PDZRN3: variants seen among roughly 807,000 people sequenced by gnomAD.
The protein encoded by PDZRN3 is E3 ubiquitin-protein ligase PDZRN3.
A neutral mutation model predicts 85.7 loss-of-function variants in PDZRN3; 38 were observed. The ratio of observed to expected loss-of-function variants is 0.44; its 90% CI spans 0.34 to 0.58. The LOEUF (loss-of-function observed/expected upper bound fraction) is 0.58. Ranked by LOEUF, PDZRN3 falls within the 20% of genes least tolerant of loss-of-function variation. The probability of loss-of-function intolerance (pLI) is 0.01; values close to 1 mark genes in which losing one functional copy is unlikely to be tolerated. For synonymous variants in PDZRN3, 759 were observed against 638.0 expected, an observed-to-expected ratio of 1.19 and a Z score of -2.86; for missense variants, 1,629 against 1,506.4, an observed-to-expected ratio of 1.08 and a Z score of -1.35.
intron 3 of PDZRN3, 174 bp from the exon 4 acceptor site, chr3:73,404,569 A>G (rs1575626877): frequency 1.6e-6 from 1 of 630,416 alleles, no homozygotes; most frequent in East Asian, 2.8e-5. Context: ...TGGTGGAAAG[A>G]GAGTGAGTTT....
chr3:73,475,661 A>C (rs899678072), intron 3 of PDZRN3, among the ~76,000 whole-genome samples: 2 of 152,232 alleles, frequency 1.3e-5, no homozygotes, highest in Non-Finnish European at 2.9e-5. Flanking sequence ...TGGGTGATTG[A>C]ATATAAATTC....
chr3:73,453,874 A>T (rs1051708585), intron 3 of PDZRN3, among the ~76,000 whole-genome samples: 4 of 152,146 alleles, frequency 2.6e-5, no homozygotes, highest in African/African-American at 9.7e-5. Flanking sequence ...AGTGCCTCTT[A>T]TCCTTGTCCA....
chr3:73,526,228 G>A (rs1390627435), intron 3 of PDZRN3, among the ~76,000 whole-genome samples: 6 of 152,138 alleles, frequency 3.9e-5, no homozygotes, highest in Non-Finnish European at 5.9e-5. Flanking sequence ...TGTAAAATGA[G>A]CACTATTATT....
chr3:73,398,907 A>G (rs149354643), intron 5 of PDZRN3, among the ~76,000 whole-genome samples: 1 of 152,300 alleles, frequency 6.6e-6, no homozygotes, highest in African/African-American at 2.4e-5. Context: ...CGTAGTTTAA[A>G]TAAGTTGAGT....
intron 3 of PDZRN3, among the ~76,000 whole-genome samples, chr3:73,427,653 A>C (rs1175048829): frequency 2.0e-5 from 3 of 152,196 alleles, no homozygotes; most frequent in African/African-American, 4.8e-5. Flanking sequence ...ATCTGTGGAA[A>C]CCATTAGAGA....
chr3:73,471,261 C>T (rs1257782441), intron 3 of PDZRN3, among the ~76,000 whole-genome samples: 2 of 151,986 alleles, frequency 1.3e-5, no homozygotes, highest in South Asian at 2.1e-4. Context: ...CAAAGCTTGC[C>T]GGCAAACCAT....
intron 3 of PDZRN3, among the ~76,000 whole-genome samples, chr3:73,468,534 G>A (rs957710661): frequency 3.9e-5 from 6 of 151,916 alleles, no homozygotes; most frequent in African/African-American, 1.5e-4. Context: ...GATGGCATGA[G>A]AATGCTTAAT....
In PDZRN3 at chr3:73,590,232, G is replaced by C. The variant is rs902008521; in HGVS notation, c.918+12122C>G. ...TATGGTGAGCTGAGATCGCACCACT[G>C]CACTCCAGCCTGGGTGACAAAGCAA... is the stretch of plus-strand genomic sequence containing the variant. On this transcript the variant is annotated intron_variant, in intron 3 of 9. Transcript: ENST00000263666. Among the ~76,000 whole-genome samples the C allele has an allele frequency of 3.9e-5, 5 of 127,322 alleles. No homozygotes were observed. In the East Asian group the frequency reaches 7.3e-4, roughly 18 times the overall value. The allele number at this position is 127,322 out of a possible 152,430, so 83.5% of individuals were successfully genotyped here.
intron 3 of PDZRN3, among the ~76,000 whole-genome samples, chr3:73,447,503 A>AC (rs1287890886): frequency 1.3e-5 from 2 of 151,670 alleles, no homozygotes; most frequent in Non-Finnish European, 2.9e-5. Context: ...TCTCACCTCC[A>AC]CCCATTCTCT....
intron 5 of PDZRN3, among the ~76,000 whole-genome samples, chr3:73,399,153 C>T (rs4458307): frequency 0.67 from 102,385 of 152,116 alleles, 35,008 homozygotes; most frequent in East Asian, 0.86. Context: ...CCCACTGCTA[C>T]AAAGTCAAGT....
At chr3:73,481,116 C>T (rs762249956) in intron 3 of PDZRN3, among the ~76,000 whole-genome samples, 2 of 152,188 alleles carry the variant, frequency 1.3e-5, no homozygotes, top group Non-Finnish European at 2.9e-5. Flanking sequence ...TACCCGTGCT[C>T]TCACCTCTAT....
chr3:73,575,548 T>C (rs1338010202), intron 3 of PDZRN3, among the ~76,000 whole-genome samples: 2 of 152,216 alleles, frequency 1.3e-5, no homozygotes, highest in Admixed American at 1.3e-4. Context: ...TTTCATAATG[T>C]TTACTTTACA....
chr3:73,476,610 A>G (rs1703456202), intron 3 of PDZRN3, among the ~76,000 whole-genome samples: 1 of 152,176 alleles, frequency 6.6e-6, no homozygotes, highest in Non-Finnish European at 1.5e-5. Context: ...TGCTACTTTC[A>G]TGGTTAGGTT....
chr3:73,579,588 G>T (rs1196449569), intron 3 of PDZRN3, among the ~76,000 whole-genome samples: 1 of 152,188 alleles, frequency 6.6e-6, no homozygotes. Context: ...GAGGTCGACA[G>T]GTATTGAGAA....
intron 3 of PDZRN3, among the ~76,000 whole-genome samples, chr3:73,512,895 T>A (rs924970685): frequency 6.6e-6 from 1 of 152,232 alleles, no homozygotes; most frequent in African/African-American, 2.4e-5. Context: ...GCCATTTCTG[T>A]ACATTTTTAG....
At chr3:73,607,558 T>C (rs1179218066) in intron 2 of PDZRN3, among the ~76,000 whole-genome samples, 1 of 152,206 alleles carries the variant, frequency 6.6e-6, no homozygotes, top group East Asian at 1.9e-4. Flanking sequence ...ACACTATTCC[T>C]ATCTGGATGG....
intron 3 of PDZRN3, among the ~76,000 whole-genome samples, chr3:73,571,843 G>A (rs568992000): frequency 1.3e-5 from 2 of 152,208 alleles, no homozygotes; most frequent in South Asian, 4.1e-4. Flanking sequence ...AATGTGTCCC[G>A]AGCACCGTTT....
intron 3 of PDZRN3, among the ~76,000 whole-genome samples, chr3:73,465,590 C>T (rs143268936): frequency 3.0e-4 from 46 of 152,300 alleles, no homozygotes; most frequent in African/African-American, 9.4e-4. Flanking sequence ...AGCTAGCCCG[C>T]GGATGAGAAA....
At chr3:73,515,014 T>C (rs1704231509) in intron 3 of PDZRN3, among the ~76,000 whole-genome samples, 1 of 152,012 alleles carries the variant, frequency 6.6e-6, no homozygotes, top group Admixed American at 6.6e-5. Flanking sequence ...AATCCCCCTA[T>C]ACTGTTTTCT....
Sources: allele counts gnomAD v4.1 joint callset (sites outside exome capture counted in the v4.1 genomes callset), GRCh38; gene constraint gnomAD v4.1.1; transcripts MANE v1.5; gene names NCBI Gene and HGNC (gene_info 2026-07-23, HGNC 2026-07-21).